The following WBP2NL variants were observed in gnomAD, a reference collection of about 807,000 sequenced individuals.
WBP2NL encodes WBP2 N-terminal like.
A neutral mutation model predicts 23.3 loss-of-function variants in WBP2NL; 27 were observed. That is an observed-to-expected ratio of 1.16 (90% CI 0.85 to 1.60). The LOEUF (loss-of-function observed/expected upper bound fraction) is 1.60. WBP2NL is among the 40% of genes most tolerant of loss of function. WBP2NL has a pLI of 0.00. For missense variants in WBP2NL, 370 were observed against 389.5 expected (o/e 0.95, Z 0.42); for synonymous variants, 151 against 145.9 (o/e 1.03, Z -0.25).
chr22:42,020,115 G>T lies in WBP2NL; in HGVS notation c.406+19G>T. 6.2e-7 allele frequency: 1 copy of T among 1,602,904 alleles called. No individual in the cohort carries two copies. Among genetic ancestry groups the T allele is most frequent in the Non-Finnish European group, 8.5e-7 (1 of 1,172,762 alleles). On this transcript the variant is annotated intron_variant, in intron 4 of 5. Coordinates refer to ENST00000328823, the MANE Select transcript of WBP2NL (RefSeq NM_152613.3). ...TCTGCTGGTAAGTGATGCTGATAAA[G>T]ATATTAAGCACTTTGGGGTTTTTTG...
intron 1 of WBP2NL, among the ~76,000 whole-genome samples, chr22:42,000,803 C>T (rs1231991927): frequency 6.7e-6 from 1 of 149,312 alleles, no homozygotes; most frequent in African/African-American, 2.5e-5. Flanking sequence ...GGAGTGGTGG[C>T]GGATGTCTGT....
downstream of WBP2NL, among the ~76,000 whole-genome samples, chr22:42,030,215 C>T (rs991670416): frequency 3.3e-5 from 5 of 152,162 alleles, no homozygotes; most frequent in Admixed American, 2.6e-4. Context: ...ATTCAGTAAA[C>T]ATTTTGTTCA....
At chr22:42,022,982 G>GT (rs1322222410) in intron 5 of WBP2NL, among the ~76,000 whole-genome samples, 3 of 152,162 alleles carry the variant, frequency 2.0e-5, no homozygotes, top group Admixed American at 2.0e-4. Context: ...AGGTACCTTG[G>GT]TTTTTAAAGG....
At chr22:42,002,785 TTC>T (rs1431436460) in intron 1 of WBP2NL, 3 of 152,240 alleles carry the variant, frequency 2.0e-5, no homozygotes, top group African/African-American at 7.2e-5. Flanking sequence ...AAAGGACTCT[TTC>T]TCTGTTTTCT....
chr22:42,013,947 A>T (rs529309047), intron 1 of WBP2NL, among the ~76,000 whole-genome samples: 1 of 151,882 alleles, frequency 6.6e-6, no homozygotes, highest in South Asian at 2.1e-4. Flanking sequence ...ACGCCTGGCT[A>T]TTTTTTGTAT....
chr22:42,009,092 T>A (rs1241053107), intron 1 of WBP2NL, among the ~76,000 whole-genome samples: 1 of 152,218 alleles, frequency 6.6e-6, no homozygotes, highest in Non-Finnish European at 1.5e-5. Flanking sequence ...TTTTTTGTAT[T>A]TTTAGTAGAG....
intron 1 of WBP2NL, among the ~76,000 whole-genome samples, chr22:42,007,031 C>G (rs1376340718): frequency 1.7e-4 from 26 of 152,182 alleles, no homozygotes; most frequent in Admixed American, 1.7e-3. Context: ...TGGTATATGT[C>G]CTTCTGTACT....
intron 1 of WBP2NL, chr22:42,001,961 TG>T: frequency 7.5e-7 from 1 of 1,328,800 alleles, no homozygotes; most frequent in Non-Finnish European, 1.0e-6. Flanking sequence ...CAGCAGCCTC[TG>T]TGATGTCGAA....
intron 1 of WBP2NL, among the ~76,000 whole-genome samples, chr22:42,004,218 G>T (rs1921990007): frequency 6.6e-6 from 1 of 152,208 alleles, no homozygotes; most frequent in Non-Finnish European, 1.5e-5. Flanking sequence ...GTTGCAGTGA[G>T]CTGAGATCAC....
chr22:42,037,128 TTGTGTGTGTGTGTGTG>T (rs3045493), downstream of WBP2NL, among the ~76,000 whole-genome samples: 1 of 148,088 alleles, frequency 6.8e-6, no homozygotes, highest in Non-Finnish European at 1.5e-5. Context: ...CAGATTTCAT[TTGTGTGTGTGTGTGTG>T]TGTGTGTGTG....
chr22:42,037,128 T>TTGTG (rs3045493), downstream of WBP2NL, among the ~76,000 whole-genome samples: 620 of 148,194 alleles, frequency 4.2e-3, no homozygotes, highest in Middle Eastern at 0.028. Context: ...CAGATTTCAT[T>TTGTG]TGTGTGTGTG....
At chr22:42,000,029 C>T (rs956059307) in intron 1 of WBP2NL, among the ~76,000 whole-genome samples, 1 of 152,198 alleles carries the variant, frequency 6.6e-6, no homozygotes, top group Non-Finnish European at 1.5e-5. Context: ...TCAGTCTCCC[C>T]CGCTGTGCAG....
At chr22:42,034,348 G>GTT (rs1925100064), downstream of WBP2NL, among the ~76,000 whole-genome samples, 1 of 152,200 alleles carries the variant, frequency 6.6e-6, no homozygotes, top group Non-Finnish European at 1.5e-5. Flanking sequence ...GGCATCCGGG[G>GTT]GAGACATCAC....
At chr22:42,046,139 C>A (rs1925579053) in intron 8 of WBP2NL, among the ~76,000 whole-genome samples, 1 of 152,168 alleles carries the variant, frequency 6.6e-6, no homozygotes, top group African/African-American at 2.4e-5. Flanking sequence ...ATTTAACCTT[C>A]TTTGTTCTAA....
intron 8 of WBP2NL, among the ~76,000 whole-genome samples, chr22:42,039,233 G>A (rs138456611): frequency 0.028 from 4,193 of 151,848 alleles, 185 homozygotes; most frequent in African/African-American, 0.095. Context: ...CACCATGCCT[G>A]GCTAATTCTT....
intron 1 of WBP2NL, among the ~76,000 whole-genome samples, chr22:42,008,116 C>CCTTTCCTTTCCTTTGCTTTGCTTTG (rs1569446610): frequency 9.5e-6 from 1 of 105,730 alleles, no homozygotes; most frequent in African/African-American, 3.5e-5. Flanking sequence ...CCTTTCCTTT[C>CCTTTCCTTTCCTTTGCTTTGCTTTG]CTTTGCTTTC....
At chr22:42,002,200 C>G (rs1921771781) in intron 1 of WBP2NL, among the ~76,000 whole-genome samples, 1 of 152,202 alleles carries the variant, frequency 6.6e-6, no homozygotes, top group African/African-American at 2.4e-5. Flanking sequence ...TTTATGGGAT[C>G]CATTTTGTGC....
At chr22:41,999,811 A>G (rs949362096) in intron 1 of WBP2NL, among the ~76,000 whole-genome samples, 1 of 152,142 alleles carries the variant, frequency 6.6e-6, no homozygotes, top group Admixed American at 6.5e-5. Context: ...ACAACAAAGC[A>G]CTGTTGGTCG....
At chr22:42,022,428 C>T in intron 5 of WBP2NL, 72 bp downstream of exon 5, 2 of 1,325,750 alleles carry the variant, frequency 1.5e-6, no homozygotes, top group Non-Finnish European at 2.1e-6. Context: ...CTATCCCTTG[C>T]AGGCTTGCTC....
Sources: allele counts gnomAD v4.1 joint callset (sites outside exome capture counted in the v4.1 genomes callset), GRCh38; gene constraint gnomAD v4.1.1; transcripts MANE v1.5; gene names NCBI Gene and HGNC (gene_info 2026-07-23, HGNC 2026-07-21).